Variants in DENND1A observed in about 807,000 individuals in gnomAD.
DENND1A encodes the protein DENN domain containing 1A.
DENND1A carries 51 observed loss-of-function variants against 113.7 expected under a neutral mutation model. The observed-to-expected ratio is 0.45, with a 90% CI of 0.36 to 0.57. The LOEUF (loss-of-function observed/expected upper bound fraction) is 0.57, where lower values mean the gene tolerates loss of function less well. Ranked by LOEUF, DENND1A falls within the 20% of genes least tolerant of loss-of-function variation. The pLI is 0.00. For synonymous variants in DENND1A, 565 were observed against 570.8 expected (o/e 0.99, Z 0.14); for missense variants, 1,258 against 1,395.9 (o/e 0.90, Z 1.57).
chr9:123,406,045 G>C (rs562746792), intron 20 of DENND1A, among the ~76,000 whole-genome samples: 1 of 152,224 alleles, frequency 6.6e-6, no homozygotes, highest in South Asian at 2.1e-4. Flanking sequence ...TCCACTTCCT[G>C]CCCACCCTTT....
chr9:123,796,428 A>AT (rs1449374998), intron 2 of DENND1A, among the ~76,000 whole-genome samples: 1 of 152,018 alleles, frequency 6.6e-6, no homozygotes, highest in African/African-American at 2.4e-5. Flanking sequence ...CATGTCTAAC[A>AT]TTTTTTCTTT....
intron 5 of DENND1A, among the ~76,000 whole-genome samples, chr9:123,717,376 A>G (rs2067043159): frequency 6.6e-6 from 1 of 152,204 alleles, no homozygotes; most frequent in Non-Finnish European, 1.5e-5. Flanking sequence ...TAATCCTTAT[A>G]ACAATACTCT....
chr9:123,651,940 C>A (rs572763640), intron 9 of DENND1A, 73 bp downstream of exon 9: 2 of 1,365,492 alleles, frequency 1.5e-6, no homozygotes, highest in African/African-American at 2.9e-5. Context: ...CTAAAATTTT[C>A]TTTCATCTTG....
intron 3 of DENND1A, among the ~76,000 whole-genome samples, chr9:123,787,904 T>A (rs1455257391): frequency 6.6e-6 from 1 of 152,186 alleles, no homozygotes; most frequent in Non-Finnish European, 1.5e-5. Context: ...TATAAACGCA[T>A]AAAGATTGTT....
At chr9:123,783,495 C>T (rs200573456) in intron 3 of DENND1A, among the ~76,000 whole-genome samples, 6 of 152,154 alleles carry the variant, frequency 3.9e-5, no homozygotes, top group Non-Finnish European at 4.4e-5. Flanking sequence ...ATAGGAGACA[C>T]GACATAATTA....
chr9:123,802,725 A>C (rs981962380), intron 2 of DENND1A, among the ~76,000 whole-genome samples: 5 of 149,610 alleles, frequency 3.3e-5, no homozygotes, highest in African/African-American at 4.9e-5. Context: ...TTTTTGACAC[A>C]GAGTTTCACG....
intron 13 of DENND1A, among the ~76,000 whole-genome samples, chr9:123,465,708 G>C (rs1451098737): frequency 2.0e-5 from 3 of 152,172 alleles, no homozygotes; most frequent in African/African-American, 4.8e-5. Context: ...TTAAAATATA[G>C]AAGTGCCGAA....
At chr9:123,496,202 G>A (rs2134105388) in intron 13 of DENND1A, among the ~76,000 whole-genome samples, 1 of 152,320 alleles carries the variant, frequency 6.6e-6, no homozygotes, top group Admixed American at 6.5e-5. Context: ...CAAAGTAAAT[G>A]CTCGGTGTAA....
At position 123,381,622 on chromosome 9, in the gene DENND1A, G is replaced by A; in HGVS notation, c.3023C>T (p.Pro1008Leu). 6.2e-7 allele frequency: 1 copy of A among 1,612,482 alleles called. No homozygotes were observed. The highest frequency in any genetic ancestry group is 1.1e-5 in the South Asian group (1 of 91,042). ...AGGGGGCCTGGGAGGCAGAAGCGGGGGGTCTCCAGGCCTCAGGGCCAGCCC... is the reference window on the plus strand; with the variant it reads ...AGGGGGCCTGGGAGGCAGAAGCGGGAGGTCTCCAGGCCTCAGGGCCAGCCC... ...KQGLALRPGD[P>L]PLLPPRPPQG... is the part of the protein sequence containing the mutation. The change falls in exon 24 of 24, where the codon CCC (proline) becomes CTC (leucine). Residue 1008 changes from proline to leucine, a missense_variant. Pro to Leu is a moderately conservative substitution (Grantham distance 98, BLOSUM62 -3). Around this residue, in one of 2 missense-constraint regions of DENND1A, gnomAD observed 1,159 missense variants for 1,231.7 expected, o/e 0.94. Coordinates refer to ENST00000394215, the MANE Select transcript of DENND1A (RefSeq NM_001352964.2). The surrounding 1 kb of genome is among the most constrained non-coding windows in gnomAD (Gnocchi z 4.7).
At chr9:123,922,126 G>C (rs1856377699) in intron 1 of DENND1A, among the ~76,000 whole-genome samples, 1 of 151,942 alleles carries the variant, frequency 6.6e-6, no homozygotes, top group African/African-American at 2.4e-5. Context: ...TAAAGACAGA[G>C]TTTCATCATG....
chr9:123,862,633 T>C (rs1056686017), intron 2 of DENND1A, among the ~76,000 whole-genome samples: 1 of 152,118 alleles, frequency 6.6e-6, no homozygotes, highest in Non-Finnish European at 1.5e-5. Context: ...ATTTTGGACT[T>C]AGAAAAAAAC....
At chr9:123,571,534 T>C (rs1454400802) in intron 12 of DENND1A, among the ~76,000 whole-genome samples, 2 of 152,250 alleles carry the variant, frequency 1.3e-5, no homozygotes, top group African/African-American at 4.8e-5. Context: ...CTCTCTTCTA[T>C]TTTTACATAC....
At chr9:123,392,115 G>C (rs974166297) in intron 21 of DENND1A, among the ~76,000 whole-genome samples, 1 of 152,196 alleles carries the variant, frequency 6.6e-6, no homozygotes. Context: ...AGGCGAGGCT[G>C]TTCCTTTTTA....
intron 2 of DENND1A, among the ~76,000 whole-genome samples, chr9:123,819,485 T>C (rs868284936): frequency 5.9e-5 from 9 of 152,186 alleles, no homozygotes; most frequent in African/African-American, 2.2e-4. Context: ...CCCAGAATAT[T>C]ACCAATGATT....
intron 2 of DENND1A, among the ~76,000 whole-genome samples, chr9:123,815,269 T>C (rs1452165797): frequency 6.6e-6 from 1 of 152,206 alleles, no homozygotes; most frequent in Non-Finnish European, 1.5e-5. Flanking sequence ...TGTCTACAGA[T>C]GCACCTTTTG....
intron 1 of DENND1A, among the ~76,000 whole-genome samples, chr9:123,903,737 G>A (rs989884140): frequency 1.2e-4 from 18 of 152,296 alleles, no homozygotes; most frequent in African/African-American, 2.2e-4. Flanking sequence ...ACGGTGTCTC[G>A]CTGATTGCTA....
chr9:123,582,590 T>G (rs557814910), intron 12 of DENND1A, among the ~76,000 whole-genome samples: 5 of 151,886 alleles, frequency 3.3e-5, no homozygotes, highest in Admixed American at 6.6e-5. Flanking sequence ...TAGTAGAGAC[T>G]GTGTTTCACC....
intron 13 of DENND1A, among the ~76,000 whole-genome samples, chr9:123,467,955 T>A (rs1432854039): frequency 1.3e-5 from 2 of 152,216 alleles, no homozygotes; most frequent in East Asian, 3.9e-4. Context: ...CCTGGCTGCC[T>A]TCTTCATGGT....
At chr9:123,643,633 T>C (rs1341612939) in intron 9 of DENND1A, among the ~76,000 whole-genome samples, 1 of 152,238 alleles carries the variant, frequency 6.6e-6, no homozygotes, top group East Asian at 1.9e-4. Flanking sequence ...TTACAGAAGA[T>C]ACGCCCCAGG....
Sources: allele counts gnomAD v4.1 joint callset (sites outside exome capture counted in the v4.1 genomes callset), GRCh38; gene constraint gnomAD v4.1.1; regional missense constraint gnomAD v4.1.1; non-coding constraint Gnocchi (gnomAD v3.1); transcripts MANE v1.5; gene names NCBI Gene and HGNC (gene_info 2026-07-23, HGNC 2026-07-21).